The following BLVRA variants were observed in gnomAD, a reference collection of about 807,000 sequenced individuals.
The protein encoded by BLVRA is BVR A.
BLVRA carries 22 observed loss-of-function variants against 32.8 expected under a neutral mutation model. The observed-to-expected ratio is 0.67, with a 90% CI of 0.48 to 0.96. The LOEUF (loss-of-function observed/expected upper bound fraction) is 0.96. Ranked by LOEUF, BLVRA falls within the 40% of genes least tolerant of loss-of-function variation. The pLI is 0.00. For synonymous variants in BLVRA, 119 were observed against 141.3 expected (o/e 0.84, Z 1.12); for missense variants, 323 against 358.1 (o/e 0.90, Z 0.79).
At chr7:43,765,687 T>G (rs2095747058) in intron 1 of BLVRA, among the ~76,000 whole-genome samples, 1 of 152,226 alleles carries the variant, frequency 6.6e-6, no homozygotes, top group African/African-American at 2.4e-5. Context: ...ATTTTTTAAC[T>G]TGGTAAGATG....
intron 2 of BLVRA, among the ~76,000 whole-genome samples, chr7:43,783,272 A>G (rs1173192890): frequency 6.6e-6 from 1 of 152,186 alleles, no homozygotes; most frequent in East Asian, 1.9e-4. Flanking sequence ...GCTCCCAGCA[A>G]GAGCATGTCG....
At chr7:43,763,632 A>G in intron 1 of BLVRA, among the ~76,000 whole-genome samples, 1 of 152,246 alleles carries the variant, frequency 6.6e-6, no homozygotes, top group South Asian at 2.1e-4. Flanking sequence ...GCTCTGTTTC[A>G]TGAAGTAATG....
At chr7:43,780,755 C>T (rs775298983) in intron 2 of BLVRA, among the ~76,000 whole-genome samples, 12 of 152,202 alleles carry the variant, frequency 7.9e-5, no homozygotes. Context: ...CCATTCTCAC[C>T]CTGCCAAAGC....
At chr7:43,764,769 A>AC (rs1254848534) in intron 1 of BLVRA, among the ~76,000 whole-genome samples, 2 of 141,846 alleles carry the variant, frequency 1.4e-5, no homozygotes, top group African/African-American at 5.1e-5. Context: ...AGAACCCCCC[A>AC]CCCCCCGCAA....
intron 3 of BLVRA, among the ~76,000 whole-genome samples, chr7:43,789,884 T>TGTGTGC (rs140142975): frequency 6.6e-6 from 1 of 151,752 alleles, no homozygotes; most frequent in Admixed American, 6.6e-5. Context: ...TACGTGTGTG[T>TGTGTGC]GTGTGTGTGT....
intron 2 of BLVRA, among the ~76,000 whole-genome samples, chr7:43,775,629 T>C (rs1336878374): frequency 2.0e-5 from 3 of 152,254 alleles, no homozygotes; most frequent in East Asian, 1.9e-4. Flanking sequence ...TGCCAGGCTT[T>C]GGTATCAGGA....
intron 2 of BLVRA, among the ~76,000 whole-genome samples, chr7:43,776,197 T>G (rs1324730005): frequency 6.6e-6 from 1 of 152,270 alleles, no homozygotes; most frequent in African/African-American, 2.4e-5. Flanking sequence ...TTGAATGTGT[T>G]TGCTCTTGCT....
intron 1 of BLVRA, among the ~76,000 whole-genome samples, chr7:43,760,815 C>G (rs1299800563): frequency 6.7e-6 from 1 of 148,540 alleles, no homozygotes; most frequent in Non-Finnish European, 1.5e-5. Context: ...GTCGCCCAGG[C>G]TGGAGTGCAG....
chr7:43,765,053 G>C (rs1350265209), intron 1 of BLVRA, among the ~76,000 whole-genome samples: 1 of 152,172 alleles, frequency 6.6e-6, no homozygotes, highest in Non-Finnish European at 1.5e-5. Flanking sequence ...GCAAATAAAG[G>C]CTCAAACTCC....
Position 43,787,449 on chromosome 7 carries a change from T to G in BLVRA, c.13-455T>G, listed in dbSNP as rs1274679247. On this transcript the variant is annotated intron_variant, in intron 2 of 7. Coordinates refer to ENST00000265523, the MANE Select transcript of BLVRA (RefSeq NM_000712.4). The surrounding 1 kb of genome is among the most constrained non-coding windows in gnomAD (Gnocchi z 4.5). ...GGTGACCAATCATGGTTTGCCCATTTGCCTCCTCTGCCAGCATCTGATGAA... is the reference window on the plus strand; with the variant it reads ...GGTGACCAATCATGGTTTGCCCATTGGCCTCCTCTGCCAGCATCTGATGAA... Among the ~76,000 whole-genome samples, 3 of 152,190 alleles carry G rather than the reference T, an allele frequency of 2.0e-5. No homozygotes were observed. The highest frequency in any genetic ancestry group is 4.4e-5 in the Non-Finnish European group (3 of 68,042).
intron 2 of BLVRA, among the ~76,000 whole-genome samples, chr7:43,785,173 T>A (rs2095775687): frequency 6.6e-6 from 1 of 152,066 alleles, no homozygotes; most frequent in Admixed American, 6.6e-5. Flanking sequence ...TACGGTAACC[T>A]TAAGAATGCC....
intron 1 of BLVRA, among the ~76,000 whole-genome samples, chr7:43,759,121 G>A (rs2095739608): frequency 1.3e-5 from 2 of 152,242 alleles, no homozygotes; most frequent in African/African-American, 2.4e-5. Flanking sequence ...GGGCCCGGGC[G>A]TAGCCACCGC....
Position 43,767,319 on chromosome 7 carries a change from C to T in BLVRA, c.-21-3819C>T, listed in dbSNP as rs370766666. The T allele has an allele frequency of 3.8e-5, 54 of 1,435,808 alleles. 1 individual carries two copies. The highest frequency in any genetic ancestry group is 1.3e-4 in the South Asian group (11 of 87,566). 88.9% of individuals were successfully genotyped at this position (1,435,808 alleles called of 1,614,324 possible). On this transcript the variant is annotated intron_variant, in intron 1 of 7. Coordinates refer to ENST00000265523, the MANE Select transcript of BLVRA (RefSeq NM_000712.4). ...AGCACCCAGATAAAGTGGCGCTGAACGCACTGCAGCCTCCTAAGTTCGGAA... is the reference window on the plus strand; with the variant it reads ...AGCACCCAGATAAAGTGGCGCTGAATGCACTGCAGCCTCCTAAGTTCGGAA...
chr7:43,788,964 T>C (rs2095781957), intron 3 of BLVRA, among the ~76,000 whole-genome samples: 1 of 152,054 alleles, frequency 6.6e-6, no homozygotes, highest in African/African-American at 2.4e-5. Flanking sequence ...AGGATTCATT[T>C]ATCTCCAGTC....
At chr7:43,801,058 G>A (rs1327273277) in intron 6 of BLVRA, among the ~76,000 whole-genome samples, 1 of 152,014 alleles carries the variant, frequency 6.6e-6, no homozygotes, top group African/African-American at 2.4e-5. Flanking sequence ...GGAGTGCAGT[G>A]GTGCAATCAT....
intron 2 of BLVRA, among the ~76,000 whole-genome samples, chr7:43,783,975 T>C (rs2132568387): frequency 6.6e-6 from 1 of 151,274 alleles, no homozygotes; most frequent in East Asian, 1.9e-4. Flanking sequence ...ATTTTTTTTC[T>C]AAGTTGGCAG....
intron 2 of BLVRA, among the ~76,000 whole-genome samples, chr7:43,773,317 T>A (rs55936912): frequency 0.11 from 15,819 of 147,158 alleles, 988 homozygotes; most frequent in Admixed American, 0.2. Flanking sequence ...GTCCCCGGAG[T>A]TCGATGTTCC....
chr7:43,795,757 A>T (rs183701569), intron 5 of BLVRA, among the ~76,000 whole-genome samples: 2 of 151,952 alleles, frequency 1.3e-5, no homozygotes. Flanking sequence ...AATCAACAAA[A>T]CCAAGTTTTT....
At position 43,791,345 on chromosome 7, in the gene BLVRA, C is replaced by G; in HGVS notation, c.231C>G (p.Ser77Arg). 1 of 1,614,172 alleles carries G rather than the reference C, an allele frequency of 6.2e-7. No homozygotes were observed. Among genetic ancestry groups the G allele is most frequent in the Non-Finnish European group, 8.5e-7 (1 of 1,180,022 alleles). ...EVEVAYICSE[S>R]SSHEDYIRQF... is the part of the protein sequence containing the mutation. ...AGGTCGCCTATATCTGCAGTGAGAG[C>G]TCCAGCCATGAGGACTACATCAGGT... is the stretch of plus-strand genomic sequence containing the variant. Residue 77 changes from serine to arginine, a missense_variant, in exon 4 of 8, where the codon AGC becomes AGG. Physicochemically the swap from Ser to Arg is moderately radical, Grantham distance 110. Transcript: ENST00000265523.
Sources: gnomAD v4.1 joint callset for allele counts (sites outside exome capture counted in the v4.1 genomes callset) on GRCh38, gnomAD v4.1.1 for gene constraint, Gnocchi (gnomAD v3.1) non-coding constraint, MANE v1.5 for transcripts, NCBI Gene and HGNC (gene_info 2026-07-23, HGNC 2026-07-21) for gene names.